Variants in ANKFN1 observed in about 807,000 individuals in gnomAD.
ANKFN1 encodes the protein ankyrin repeat and fibronectin type-III domain-containing protein 1.
Under a neutral mutation model 108.7 loss-of-function variants are expected in ANKFN1, and 74 were observed. The ratio of observed to expected loss-of-function variants is 0.68; its 90% CI spans 0.56 to 0.83. The LOEUF (loss-of-function observed/expected upper bound fraction) is 0.83. Ranked by LOEUF, ANKFN1 falls within the 40% of genes least tolerant of loss-of-function variation. ANKFN1 has a pLI of 0.00. For missense variants in ANKFN1, 1,505 were observed against 1,382.3 expected (o/e 1.09, Z -1.41); for synonymous variants, 547 against 516.2 (o/e 1.06, Z -0.81).
chr17:56,087,501 CCCTTCAATTTAGCT>C lies in ANKFN1; in HGVS notation c.288+41178_288+41191del, dbSNP rs373591475. 1.1e-3 allele frequency among the ~76,000 whole-genome samples: 164 copies of C among 151,262 alleles called. 3 individuals carry two copies. The highest frequency in any genetic ancestry group is 3.8e-3 in the African/African-American group (155 of 41,140). On this transcript the variant is annotated intron_variant, in intron 4 of 12. Transcript: ENST00000635860. ...CTCTAGATACCTACTGCTTCTTTTG[CCCTTCAATTTAGCT>C]CAACGCCAGTGGACTCCCCTGCACT...
intron 8 of ANKFN1, among the ~76,000 whole-genome samples, chr17:56,432,951 A>G (rs540114791): frequency 3.0e-4 from 46 of 152,284 alleles, no homozygotes; most frequent in African/African-American, 1.1e-3. Context: ...CAATGATATG[A>G]TGGTAAATGC....
intron 4 of ANKFN1, among the ~76,000 whole-genome samples, chr17:56,047,696 G>A (rs2143062741): frequency 1.3e-5 from 2 of 152,284 alleles, no homozygotes; most frequent in Non-Finnish European, 2.9e-5. Context: ...ACACATGGGG[G>A]TAAACGGAGA....
At chr17:56,292,259 T>C (rs1171606947) in intron 3 of ANKFN1, among the ~76,000 whole-genome samples, 1 of 152,000 alleles carries the variant, frequency 6.6e-6, no homozygotes, top group Non-Finnish European at 1.5e-5. Flanking sequence ...GACTCAGAGG[T>C]TAAGGATCTA....
rs1255469993 is a variant in ANKFN1, at chr17:56,214,826, CT to C, written c.12+2148del. On this transcript the variant is annotated intron_variant, in intron 2 of 20. Transcript: ENST00000682825. ...TTCTCCTAATGGTTTCCATTATCTG[CT>C]GTTGTTGTCCTCTGTGGAAAAAAAT... Among the ~76,000 whole-genome samples, 5 of 152,294 alleles carry C rather than the reference CT, an allele frequency of 3.3e-5. No individual in the cohort carries two copies. In the South Asian group the frequency reaches 8.3e-4, roughly 25 times the overall value.
At chr17:56,267,676 T>C (rs546822589) in intron 3 of ANKFN1, among the ~76,000 whole-genome samples, 1 of 152,332 alleles carries the variant, frequency 6.6e-6, no homozygotes, top group African/African-American at 2.4e-5. Flanking sequence ...CTTGTTATTG[T>C]CAACTTTGTG....
intron 4 of ANKFN1, among the ~76,000 whole-genome samples, chr17:56,128,230 A>T (rs2143331048): frequency 7.7e-6 from 1 of 130,444 alleles, no homozygotes; most frequent in African/African-American, 2.7e-5. Flanking sequence ...GGAAGCCAAT[A>T]GCCCTTTTTT....
At chr17:56,107,669 C>A (rs1905777283) in intron 4 of ANKFN1, among the ~76,000 whole-genome samples, 1 of 152,080 alleles carries the variant, frequency 6.6e-6, no homozygotes, top group African/African-American at 2.4e-5. Context: ...CCAAACTTGC[C>A]TTTTCTCTCA....
chr17:56,397,954 A>G (rs182158565), intron 8 of ANKFN1, among the ~76,000 whole-genome samples: 20 of 152,264 alleles, frequency 1.3e-4, no homozygotes, highest in African/African-American at 4.6e-4. Flanking sequence ...AGAGATGCCT[A>G]TGGCCTATGG....
chr17:56,160,765 G>A (rs1428879000), intron 1 of ANKFN1, among the ~76,000 whole-genome samples: 2 of 152,174 alleles, frequency 1.3e-5, no homozygotes, highest in Non-Finnish European at 2.9e-5. Flanking sequence ...GATTTATTCT[G>A]AAATTCCAGT....
chr17:56,228,295 A>G (rs1322503937), intron 3 of ANKFN1: 2 of 241,088 alleles, frequency 8.3e-6, no homozygotes, highest in Non-Finnish European at 1.6e-5. Context: ...CTAATTTATT[A>G]TTCTTTTCCC....
intron 1 of ANKFN1, among the ~76,000 whole-genome samples, chr17:56,190,736 G>A (rs1212505417): frequency 7.0e-6 from 1 of 143,274 alleles, no homozygotes; most frequent in Admixed American, 7.0e-5. Flanking sequence ...GGTCCGCTTG[G>A]TGCAGAGCTG....
Position 56,482,483 on chromosome 17 carries a change from A to G in ANKFN1, c.2219A>G (p.His740Arg), listed in dbSNP as rs201251160. ...APGQNNPYTP[H>R]SGFLNLPLQM... ...GGACAGAATAATCCTTACACCCCAC[A>G]CTCAGGGTTTCTTAACCTCCCTCTT... is the stretch of plus-strand genomic sequence containing the variant. The change falls in exon 18 of 21, where the codon CAC becomes CGC. Residue 740 changes from histidine to arginine, a missense_variant. Physicochemically the swap from His to Arg is conservative, Grantham distance 29. Coordinates refer to ENST00000682825, the MANE Select transcript of ANKFN1 (RefSeq NM_001370326.1). The G allele has an allele frequency of 5.0e-6, 8 of 1,613,200 alleles. No individual in the cohort carries two copies. Among genetic ancestry groups the G allele is most frequent in the Non-Finnish European group, 6.8e-6 (8 of 1,179,548 alleles).
At chr17:56,439,516 T>C (rs1042604466) in intron 8 of ANKFN1, among the ~76,000 whole-genome samples, 1 of 151,804 alleles carries the variant, frequency 6.6e-6, no homozygotes, top group Non-Finnish European at 1.5e-5. Flanking sequence ...TTTGTATGAC[T>C]TAACTAGAAA....
intron 1 of ANKFN1, among the ~76,000 whole-genome samples, chr17:56,160,849 A>G (rs1228128988): frequency 6.6e-6 from 1 of 152,196 alleles, no homozygotes; most frequent in East Asian, 1.9e-4. Flanking sequence ...CTTAGAGGTG[A>G]AGAAGGAATG....
intron 3 of ANKFN1, among the ~76,000 whole-genome samples, chr17:56,260,263 A>C (rs1026253471): frequency 1.3e-5 from 2 of 152,254 alleles, no homozygotes; most frequent in Non-Finnish European, 2.9e-5. Flanking sequence ...TTAATGATTT[A>C]AGTGTAAATG....
At chr17:56,301,371 G>A (rs7223377) in intron 3 of ANKFN1, among the ~76,000 whole-genome samples, 26,891 of 152,172 alleles carry the variant, frequency 0.18, 2,921 homozygotes, top group African/African-American at 0.32. Flanking sequence ...CTTACATTGT[G>A]TGACATGTAA....
chr17:56,286,177 A>C (rs75930526), intron 3 of ANKFN1, among the ~76,000 whole-genome samples: 2,004 of 152,196 alleles, frequency 0.013, 46 homozygotes, highest in African/African-American at 0.045. Flanking sequence ...ATCATCTCAA[A>C]CATTACGAAT....
At chr17:56,253,243 T>C (rs1355335756) in intron 3 of ANKFN1, among the ~76,000 whole-genome samples, 1 of 152,204 alleles carries the variant, frequency 6.6e-6, no homozygotes, top group Admixed American at 6.5e-5. Context: ...ACATAAATTT[T>C]GGTTGGCATC....
At chr17:56,280,305 G>A (rs2044044588) in intron 3 of ANKFN1, among the ~76,000 whole-genome samples, 1 of 152,128 alleles carries the variant, frequency 6.6e-6, no homozygotes, top group Non-Finnish European at 1.5e-5. Context: ...ATGTGGGAGG[G>A]CAGCATCCAA....
Sources: gnomAD v4.1 joint callset for allele counts (sites outside exome capture counted in the v4.1 genomes callset) on GRCh38, gnomAD v4.1.1 for gene constraint, MANE v1.5 for transcripts, NCBI Gene and HGNC (gene_info 2026-07-23, HGNC 2026-07-21) for gene names.